NRG3: variants seen among roughly 807,000 people sequenced by gnomAD.
The protein encoded by NRG3 is neuregulin 3, also known as pro-neuregulin-3, membrane-bound isoform.
NRG3 carries 31 observed loss-of-function variants against 66.9 expected under a neutral mutation model. The ratio of observed to expected loss-of-function variants is 0.46; its 90% confidence interval spans 0.35 to 0.63. NRG3 has a LOEUF of 0.63. Among genes scored for constraint, NRG3 ranks in the 20% least tolerant of loss-of-function variants. The pLI is 0.00. For synonymous variants in NRG3, 393 were observed against 359.4 expected (o/e 1.09, Z -1.06); for missense variants, 910 against 878.9 (o/e 1.04, Z -0.45).
At chr10:82,199,796 T>C (rs1222458845) in intron 1 of NRG3, among the ~76,000 whole-genome samples, 1 of 152,074 alleles carries the variant, frequency 6.6e-6, no homozygotes, top group Non-Finnish European at 1.5e-5. Flanking sequence ...TGTATCAATC[T>C]AATTTCCAGA....
chr10:82,633,946 A>T (rs2050012135), intron 2 of NRG3, among the ~76,000 whole-genome samples: 1 of 152,178 alleles, frequency 6.6e-6, no homozygotes. Flanking sequence ...GGCCAATCAG[A>T]GAAAAAGAAC....
At chr10:82,028,373 C>G (rs151107313) in intron 1 of NRG3, among the ~76,000 whole-genome samples, 4 of 152,052 alleles carry the variant, frequency 2.6e-5, no homozygotes, top group Non-Finnish European at 5.9e-5. Context: ...TTTGTTGCCT[C>G]GTTTGTTGCC....
chr10:82,055,181 G>GA (rs1232805517), intron 1 of NRG3, among the ~76,000 whole-genome samples: 1 of 151,754 alleles, frequency 6.6e-6, no homozygotes, highest in African/African-American at 2.4e-5. Flanking sequence ...TGATCTTGAT[G>GA]AAAAAAGAAA....
rs867944164 is a variant in NRG3 at position 82,791,310 on chromosome 10, G to T, written c.1027+52660G>T. Reference sequence around the variant, plus strand: ...TGATGTTTATTGCTGTTTTTTTTTTGGTTTTTTTTTCATTTTTGGTAACTT... The same window carrying T: ...TGATGTTTATTGCTGTTTTTTTTTTTGTTTTTTTTTCATTTTTGGTAACTT... On this transcript the variant is annotated intron_variant, in intron 3 of 8. Transcript: ENST00000372141. 9.9e-5 allele frequency among the ~76,000 whole-genome samples: 14 copies of T among 140,806 alleles called. 1 individual carries two copies. The highest frequency in any genetic ancestry group is 1.9e-4 in the African/African-American group (7 of 36,740). The allele number at this position is 140,806 out of a possible 152,430, so 92.4% of individuals were successfully genotyped here. A position where few individuals can be genotyped will look rare whatever the true frequency, so the allele number is the denominator to read the frequency against.
intron 1 of NRG3, among the ~76,000 whole-genome samples, chr10:82,123,406 G>T (rs966434722): frequency 6.6e-6 from 1 of 152,206 alleles, no homozygotes; most frequent in South Asian, 2.1e-4. Context: ...GTGCTTTTAA[G>T]TAGAGGTATA....
intron 2 of NRG3, among the ~76,000 whole-genome samples, chr10:82,382,281 T>G (rs1428063501): frequency 1.3e-5 from 2 of 152,064 alleles, no homozygotes; most frequent in East Asian, 3.8e-4. Flanking sequence ...CCTTCTCATA[T>G]GTAGTATTTC....
intron 1 of NRG3, among the ~76,000 whole-genome samples, chr10:82,211,484 G>T (rs1344120065): frequency 6.6e-6 from 1 of 152,140 alleles, no homozygotes; most frequent in Non-Finnish European, 1.5e-5. Context: ...CAGCTCTGGG[G>T]AGTCGAAAGG....
intron 2 of NRG3, among the ~76,000 whole-genome samples, chr10:82,389,271 A>G (rs1314460441): frequency 6.6e-6 from 1 of 152,210 alleles, no homozygotes; most frequent in Non-Finnish European, 1.5e-5. Context: ...CAGGAATAGC[A>G]TCATTGTAAA....
At chr10:82,354,703 C>T (rs1176718755) in intron 1 of NRG3, among the ~76,000 whole-genome samples, 1 of 152,120 alleles carries the variant, frequency 6.6e-6, no homozygotes, top group East Asian at 1.9e-4. Context: ...AAATTTCTCC[C>T]TTCTGTAAAT....
intron 1 of NRG3, among the ~76,000 whole-genome samples, chr10:82,164,544 CAGCCTCTGGT>C: frequency 6.6e-6 from 1 of 152,224 alleles, no homozygotes; most frequent in South Asian, 2.1e-4. Context: ...ACACCCTCCC[CAGCCTCTGGT>C]ATGTATCATT....
chr10:82,665,904 A>T (rs1251310770), intron 2 of NRG3, among the ~76,000 whole-genome samples: 2 of 152,160 alleles, frequency 1.3e-5, no homozygotes, highest in East Asian at 1.9e-4. Context: ...ACTCTGTTGC[A>T]CAGGATGAGT....
chr10:82,344,915 T>C (rs2082908616), intron 1 of NRG3, among the ~76,000 whole-genome samples: 18 of 114,520 alleles, frequency 1.6e-4, no homozygotes, highest in South Asian at 2.3e-4. Flanking sequence ...GGGTTGTTTG[T>C]TTTTTTCTTG....
chr10:82,527,907 A>C (rs1846873871), intron 2 of NRG3, among the ~76,000 whole-genome samples: 1 of 117,504 alleles, frequency 8.5e-6, no homozygotes, highest in Non-Finnish European at 1.6e-5. Flanking sequence ...TGCTATTGAC[A>C]TTTGGACTAG....
intron 6 of NRG3, among the ~76,000 whole-genome samples, chr10:82,968,677 C>A (rs1452048702): frequency 1.3e-5 from 2 of 150,312 alleles, no homozygotes; most frequent in South Asian, 4.2e-4. Flanking sequence ...GGGAGGGAGG[C>A]AGGGAGGGAG....
At chr10:82,685,145 C>A (rs1307221455) in intron 2 of NRG3, among the ~76,000 whole-genome samples, 3 of 152,000 alleles carry the variant, frequency 2.0e-5, no homozygotes, top group African/African-American at 4.8e-5. Flanking sequence ...AGGCCCCCCC[C>A]AAAACTTAAC....
At chr10:82,907,815 T>C (rs1311182250) in intron 4 of NRG3, among the ~76,000 whole-genome samples, 1 of 152,186 alleles carries the variant, frequency 6.6e-6, no homozygotes, top group Admixed American at 6.5e-5. Context: ...GCCCATGTTT[T>C]GAGGATGTGA....
intron 1 of NRG3, among the ~76,000 whole-genome samples, chr10:82,120,620 A>C (rs539879167): frequency 6.6e-6 from 1 of 152,170 alleles, no homozygotes; most frequent in African/African-American, 2.4e-5. Flanking sequence ...AAGATGTTTC[A>C]GGATATTTCA....
intron 4 of NRG3, among the ~76,000 whole-genome samples, chr10:82,913,750 A>C (rs1037234658): frequency 6.6e-6 from 1 of 151,906 alleles, no homozygotes; most frequent in African/African-American, 2.4e-5. Context: ...TTTTGTTTTG[A>C]TTTTGTGCAG....
intron 1 of NRG3, among the ~76,000 whole-genome samples, chr10:82,061,065 G>A (rs2064114934): frequency 6.6e-6 from 1 of 152,166 alleles, no homozygotes; most frequent in Non-Finnish European, 1.5e-5. Flanking sequence ...GTGTATGTAG[G>A]TATGTGATAA....
Sources: gnomAD v4.1 joint callset for allele counts (sites outside exome capture counted in the v4.1 genomes callset) on GRCh38, gnomAD v4.1.1 for gene constraint, MANE v1.5 for transcripts, NCBI Gene and HGNC (gene_info 2026-07-23, HGNC 2026-07-21) for gene names.